FAM184B: variants seen among roughly 807,000 people sequenced by gnomAD.
FAM184B encodes protein FAM184B.
A neutral mutation model predicts 135.9 loss-of-function variants in FAM184B; 111 were observed. The ratio of observed to expected loss-of-function variants is 0.82; its 90% CI spans 0.70 to 0.96. The LOEUF is 0.96. FAM184B is among the 40% of genes least tolerant of loss of function. The probability of loss-of-function intolerance (pLI) is 0.00; values close to 1 mark genes in which losing one functional copy is unlikely to be tolerated. For synonymous variants in FAM184B, 552 were observed against 524.8 expected (o/e 1.05, Z -0.71); for missense variants, 1,375 against 1,323.9 (o/e 1.04, Z -0.60).
At chr4:17,757,245 T>G (rs1560194357) in intron 1 of FAM184B, among the ~76,000 whole-genome samples, 1 of 152,156 alleles carries the variant, frequency 6.6e-6, no homozygotes, top group Non-Finnish European at 1.5e-5. Context: ...AATAACTCAG[T>G]TTCTTAAATA....
chr4:17,765,063 A>G (rs1196921084), intron 1 of FAM184B, among the ~76,000 whole-genome samples: 1 of 152,306 alleles, frequency 6.6e-6, no homozygotes, highest in Non-Finnish European at 1.5e-5. Flanking sequence ...CCCTGTCTCA[A>G]AAAAAGAAAA....
At chr4:17,674,210 A>C (rs1716259147) in intron 7 of FAM184B, among the ~76,000 whole-genome samples, 1 of 152,160 alleles carries the variant, frequency 6.6e-6, no homozygotes, top group Non-Finnish European at 1.5e-5. Context: ...TAATAATTAC[A>C]AGCATACCTC....
intron 10 of FAM184B, among the ~76,000 whole-genome samples, chr4:17,653,669 C>G (rs1242239476): frequency 6.6e-6 from 1 of 151,994 alleles, no homozygotes; most frequent in Non-Finnish European, 1.5e-5. Context: ...ATAAGTGTCT[C>G]TTCACTGCCT....
At chr4:17,704,845 G>A (rs1056319918) in intron 5 of FAM184B, among the ~76,000 whole-genome samples, 155 bp downstream of exon 5, 1 of 152,186 alleles carries the variant, frequency 6.6e-6, no homozygotes, top group African/African-American at 2.4e-5. Context: ...ATAACTGTAT[G>A]TTTCATCTGT....
intron 1 of FAM184B, among the ~76,000 whole-genome samples, chr4:17,714,981 C>T (rs1346183769): frequency 6.6e-6 from 1 of 152,164 alleles, no homozygotes; most frequent in East Asian, 1.9e-4. Flanking sequence ...TCCTCCCCTC[C>T]CCTTCCCCTC....
At chr4:17,728,754 A>T (rs547698215) in intron 1 of FAM184B, among the ~76,000 whole-genome samples, 133 of 152,214 alleles carry the variant, frequency 8.7e-4, no homozygotes, top group African/African-American at 3.0e-3. Flanking sequence ...TAAATTTTTT[A>T]AAAAAAATTT....
chr4:17,678,072 C>G (rs2315561), intron 7 of FAM184B, among the ~76,000 whole-genome samples: 1 of 151,790 alleles, frequency 6.6e-6, no homozygotes, highest in African/African-American at 2.4e-5. Flanking sequence ...TTCTACTGAA[C>G]GGGGAAAAGT....
intron 7 of FAM184B, among the ~76,000 whole-genome samples, chr4:17,685,240 C>T (rs1378288948): frequency 1.4e-5 from 2 of 142,732 alleles, no homozygotes; most frequent in African/African-American, 5.2e-5. Flanking sequence ...CATTGAAAGA[C>T]AACATTCTAG....
rs1430186972 is a variant in FAM184B, at chr4:17,707,725, T to G, written c.954A>C (p.Ala318=). The G allele has an allele frequency of 1.3e-6, 2 of 1,551,798 alleles. No homozygotes were observed. Among genetic ancestry groups the G allele is most frequent in the Non-Finnish European group, 1.7e-6 (2 of 1,147,046 alleles). The change falls in exon 3 of 18, where the codon GCA becomes GCC. Residue 318 remains alanine (A), a synonymous_variant. Coordinates refer to ENST00000265018, the MANE Select transcript of FAM184B (RefSeq NM_015688.2). ...CAGCCAGCTTCTCCCCAAGTTTTTTTGCAGTGCCTTTCAACTCTGAATTCT... is the reference window on the plus strand; with the variant it reads ...CAGCCAGCTTCTCCCCAAGTTTTTTGGCAGTGCCTTTCAACTCTGAATTCT... ...RQENSELKGT[A]KKLGEKLAVA...
At chr4:17,680,256 TAAG>T (rs911249216) in intron 7 of FAM184B, among the ~76,000 whole-genome samples, 1 of 152,242 alleles carries the variant, frequency 6.6e-6, no homozygotes, top group Non-Finnish European at 1.5e-5. Flanking sequence ...AAATTATATT[TAAG>T]TTTTGTTATT....
chr4:17,666,494 T>TA (rs71167321), intron 7 of FAM184B, among the ~76,000 whole-genome samples: 23 of 138,624 alleles, frequency 1.7e-4, no homozygotes, highest in African/African-American at 6.2e-4. Flanking sequence ...TTTTTTTTTT[T>TA]GGTATTTTTA....
intron 11 of FAM184B, among the ~76,000 whole-genome samples, chr4:17,651,254 A>T (rs1290853260): frequency 6.6e-6 from 1 of 152,116 alleles, no homozygotes; most frequent in Non-Finnish European, 1.5e-5. Context: ...ATATTCAGTC[A>T]TGGCCGGGCG....
At chr4:17,653,096 A>C in intron 10 of FAM184B, 113 bp from the exon 11 acceptor site, 1 of 1,017,040 alleles carries the variant, frequency 9.8e-7, no homozygotes, top group Non-Finnish European at 1.5e-6. Flanking sequence ...GCACTCTCCC[A>C]TGGAGGGCTT....
chr4:17,774,817 CT>C (rs1276542031), intron 1 of FAM184B, among the ~76,000 whole-genome samples: 1 of 152,160 alleles, frequency 6.6e-6, no homozygotes, highest in African/African-American at 2.4e-5. Context: ...TCCACATACT[CT>C]TTTACTCAGA....
chr4:17,736,263 G>A (rs976593998), intron 1 of FAM184B, among the ~76,000 whole-genome samples: 4 of 152,154 alleles, frequency 2.6e-5, no homozygotes, highest in Non-Finnish European at 5.9e-5. Context: ...CACAGCCTGT[G>A]TTCTTAACCA....
chr4:17,689,727 C>T (rs1233545628), intron 6 of FAM184B, among the ~76,000 whole-genome samples: 1 of 152,092 alleles, frequency 6.6e-6, no homozygotes, highest in East Asian at 1.9e-4. Flanking sequence ...AAGAGATCCT[C>T]CCACCTCAGC....
chr4:17,775,611 C>T (rs1718910546), intron 1 of FAM184B, among the ~76,000 whole-genome samples: 1 of 152,220 alleles, frequency 6.6e-6, no homozygotes, highest in African/African-American at 2.4e-5. Context: ...CCAATCATCT[C>T]TTGTAGCAAT....
chr4:17,667,877 A>T (rs1388953151), intron 7 of FAM184B, among the ~76,000 whole-genome samples: 1 of 152,188 alleles, frequency 6.6e-6, no homozygotes, highest in Non-Finnish European at 1.5e-5. Flanking sequence ...CTTATTGGCC[A>T]GGGCAGGTGC....
chr4:17,716,834 CT>C (rs1717409181), intron 1 of FAM184B, among the ~76,000 whole-genome samples: 1 of 151,812 alleles, frequency 6.6e-6, no homozygotes, highest in Admixed American at 6.6e-5. Flanking sequence ...TTATTCTATT[CT>C]ATTGTCTCCC....
Sources: gnomAD v4.1 joint callset for allele counts (sites outside exome capture counted in the v4.1 genomes callset) on GRCh38, gnomAD v4.1.1 for gene constraint, MANE v1.5 for transcripts, NCBI Gene and HGNC (gene_info 2026-07-23, HGNC 2026-07-21) for gene names.